The following ZAN variants were observed in gnomAD, a reference collection of about 807,000 sequenced individuals.
The protein encoded by ZAN is zonadhesin (gene/pseudogene).
Under a neutral mutation model 286.2 loss-of-function variants are expected in ZAN, and 260 were observed. The ratio of observed to expected loss-of-function variants is 0.91; its 90% CI spans 0.82 to 1.01. The LOEUF is 1.01. ZAN is among the 50% of genes least tolerant of loss of function. The probability of loss-of-function intolerance (pLI) is 0.00; values close to 1 mark genes in which losing one functional copy is unlikely to be tolerated. For synonymous variants in ZAN, 1,368 were observed against 1,417.5 expected, an observed-to-expected ratio of 0.97 and a Z score of 0.79; for missense variants, 3,410 against 3,639.2, an observed-to-expected ratio of 0.94 and a Z score of 1.62.
In ZAN at chr7:100,794,106, C is replaced by T. The variant is rs543375503; in HGVS notation, c.7987-14C>T. On this transcript the variant is annotated splice_polypyrimidine_tract_variant and intron_variant, in intron 43 of 47. Coordinates refer to ENST00000613979, the MANE Select transcript of ZAN (RefSeq NM_003386.3). ...GGAACTGGAACGTCTCCTCCTGGCC[C>T]TTCCCCTTTCTAGCTGGGCAGCAGC... The T allele has an allele frequency of 1.1e-5, 17 of 1,613,980 alleles. 1 individual carries two copies. In the South Asian group the frequency reaches 1.8e-4, roughly 17 times the overall value.
At position 100,748,232 on chromosome 7, in the gene ZAN, A is replaced by T. The variant is rs1273504941; in HGVS notation, c.1102+17A>T. On this transcript the variant is annotated intron_variant, in intron 10 of 47. Transcript: ENST00000613979. ...CTTGTGGGGGTGAGAGCAGGCCCTG[A>T]GAGGCCCGGATCTCTCAGAATCCGG... 6.2e-7 allele frequency: 1 copy of T among 1,613,754 alleles called. No homozygotes were observed. The highest frequency in any genetic ancestry group is 2.2e-5 in the East Asian group (1 of 44,874).
intron 12 of ZAN, 40 bp downstream of exon 12, chr7:100,750,936 G>A: frequency 6.6e-7 from 1 of 1,517,142 alleles, no homozygotes; most frequent in Non-Finnish European, 8.8e-7. Flanking sequence ...TGTGAGGTGA[G>A]AGGGCCAATG....
Position 100,789,304 on chromosome 7 carries a change from C to T in ZAN, c.7314C>T (p.Thr2438=), listed in dbSNP as rs756476991. The change falls in exon 39 of 48, where the codon ACC becomes ACT. Residue 2438 remains threonine, a synonymous_variant. Coordinates refer to ENST00000613979, the MANE Select transcript of ZAN (RefSeq NM_003386.3). The part of the protein sequence containing the change: ...TLWGQRLYLV[T]DFELVVSFGG... ...GGGGCCAACGGCTCTACCTGGTCAC[C>T]GACTTTGAGCTGGTCGTCAGCTTTG... 1.4e-5 allele frequency: 23 copies of T among 1,613,726 alleles called. No homozygotes were observed. In the Middle Eastern group the frequency reaches 4.9e-4, roughly 35 times the overall value.
chr7:100,753,187 A>C lies in ZAN; in HGVS notation c.3082A>C (p.Ser1028Arg). ...SPHAPSTPMT[S>R]VILGTTTTSR... The stretch of plus-strand genomic sequence containing the variant: ...ACATGCTCCAAGTACCCCTATGACC[A>C]GTGTGATTCTGGGCACTACCACAAC... The change falls in exon 14 of 48, where the codon AGT becomes CGT. Residue 1028 changes from serine (S) to arginine (R), a missense_variant. Transcript: ENST00000613979. The C allele has an allele frequency of 6.2e-7, 1 of 1,608,964 alleles. No individual in the cohort carries two copies. The highest frequency in any genetic ancestry group is 8.5e-7 in the Non-Finnish European group (1 of 1,177,460).
intron 34 of ZAN, 137 bp from the exon 35 acceptor site, chr7:100,779,309 C>T: frequency 1.2e-6 from 1 of 845,866 alleles, no homozygotes; most frequent in Non-Finnish European, 1.8e-6. Flanking sequence ...GGAGGGAAGG[C>T]AGAGGTTGCA....
At chr7:100,792,260 T>C (rs557246840) in intron 41 of ZAN, 112 bp downstream of exon 41, 1 of 1,497,862 alleles carries the variant, frequency 6.7e-7, no homozygotes, top group East Asian at 2.3e-5. Context: ...ACTCCTCCGT[T>C]CTCCCTGTGG....
chr7:100,748,611 G>A (rs117829701), intron 11 of ZAN, 141 bp downstream of exon 11: 538 of 1,183,972 alleles, frequency 4.5e-4, no homozygotes, highest in Admixed American at 1.2e-3. Context: ...AAGTTTCCAT[G>A]GTACTGGAAT....
In ZAN at chr7:100,758,544, C is replaced by G. The variant is rs776008435; in HGVS notation, c.3465C>G (p.Thr1155=). ...YGCHPYAGTA[T]CLVYGDPHYV... ...TCCCCCTCCCAGCAGGCACTGCCAC[C>G]TGCTTGGTCTACGGAGACCCTCATT... The change falls in exon 17 of 48, where the codon ACC becomes ACG. Residue 1155 remains threonine, a synonymous_variant. Coordinates refer to ENST00000613979, the MANE Select transcript of ZAN (RefSeq NM_003386.3). 2 of 1,560,476 alleles carry G rather than the reference C, an allele frequency of 1.3e-6. No homozygotes were observed. The highest frequency in any genetic ancestry group is 1.7e-6 in the Non-Finnish European group (2 of 1,152,184).
chr7:100,775,582 T>C lies in ZAN; in HGVS notation c.6027+7T>C. On this transcript the variant is annotated splice_region_variant and intron_variant, in intron 32 of 47. Coordinates refer to ENST00000613979, the MANE Select transcript of ZAN (RefSeq NM_003386.3). ...GAAGGGCCACCGTGTGCTAGTGAGC[T>C]GGGTGTGGTGACCGGGGCTGGGAGG... 3 of 1,612,588 alleles carry C rather than the reference T, an allele frequency of 1.9e-6. No homozygotes were observed. Among genetic ancestry groups the C allele is most frequent in the Non-Finnish European group, 1.7e-6 (2 of 1,178,724 alleles).
intron 14 of ZAN, 80 bp downstream of exon 14, chr7:100,753,309 T>A: frequency 3.5e-6 from 5 of 1,441,804 alleles, no homozygotes; most frequent in East Asian, 2.3e-5. Context: ...GGGATGCTTC[T>A]GGTAGAAGCC....
chr7:100,772,720 C>T (rs1019851472), intron 29 of ZAN, among the ~76,000 whole-genome samples: 2 of 151,406 alleles, frequency 1.3e-5, no homozygotes, highest in Admixed American at 1.3e-4. Flanking sequence ...ACTCGGGAGG[C>T]TGAAGCAGGA....
chr7:100,758,620 A>C lies in ZAN; in HGVS notation c.3541A>C (p.Ile1181Leu). The C allele has an allele frequency of 1.9e-6, 3 of 1,559,436 alleles. No homozygotes were observed. The South Asian group carries it at 3.6e-5, about 18-fold the overall frequency. Residue 1181 changes from isoleucine (I) to leucine (L), a missense_variant, in exon 17 of 48, where the codon ATC becomes CTC. By Grantham distance (5) the Ile-to-Leu change is conservative. Around this residue, in one of 7 missense-constraint regions of ZAN, gnomAD observed 1,042 missense variants for 1,058.0 expected, o/e 0.98. Transcript: ENST00000613979. The stretch of plus-strand genomic sequence containing the variant: ...TGGCTTCATGGGCAAGTGCACTTAC[A>C]TCTTGGCCCAGCCCTGTGGCAACTC... The part of the protein sequence containing the change: ...HFGFMGKCTY[I>L]LAQPCGNSTD...
At chr7:100,746,387 C>G in intron 7 of ZAN, 151 bp from the exon 8 acceptor site, 1 of 981,412 alleles carries the variant, frequency 1.0e-6, no homozygotes, top group Non-Finnish European at 1.4e-6. Context: ...AGACCTCAGT[C>G]AGTTGGGATA....
chr7:100,736,542 G>A lies in ZAN; in HGVS notation c.166G>A (p.Val56Met). ...CAAACCCCTCTGTGACTGGTCCCAA[G>A]TGTCCGCAGACGATGAAGACTGGGT... ...DAKPLCDWSQ[V>M]SADDEDWVRA... Residue 56 changes from valine to methionine, a missense_variant, in exon 4 of 48, where the codon GTG (valine) becomes ATG (methionine). Physicochemically the swap from Val to Met is conservative, Grantham distance 21. Around this residue, in one of 7 missense-constraint regions of ZAN, gnomAD observed 872 missense variants for 938.9 expected, o/e 0.93. Transcript: ENST00000613979. 6.6e-7 allele frequency: 1 copy of A among 1,523,846 alleles called. No homozygotes were observed. The allele number at this position is 1,523,846 out of a possible 1,614,324, so 94.4% of individuals were successfully genotyped here.
At chr7:100,789,471 G>A in intron 39 of ZAN, 124 bp downstream of exon 39, 2 of 1,466,558 alleles carry the variant, frequency 1.4e-6, no homozygotes, top group Non-Finnish European at 1.8e-6. Context: ...CCCAGCTTCA[G>A]AGGAGGACCA....
At chr7:100,748,623 G>A (rs1421742168) in intron 11 of ZAN, among the ~76,000 whole-genome samples, 153 bp downstream of exon 11, 4 of 152,186 alleles carry the variant, frequency 2.6e-5, no homozygotes, top group Admixed American at 2.0e-4. Flanking sequence ...TACTGGAATT[G>A]TGGAGATAGC....
At chr7:100,780,403 A>T (rs927006181) in intron 35 of ZAN, among the ~76,000 whole-genome samples, 1 of 151,230 alleles carries the variant, frequency 6.6e-6, no homozygotes, top group South Asian at 2.1e-4. Context: ...GTTGGGTGTG[A>T]TGGCTCATGC....
Position 100,734,717 on chromosome 7 carries a change from G to A in ZAN, c.53+496G>A, listed in dbSNP as rs1047356699. ...GACTGCTGAACAGGAATTAAGGGGCGGGTTCTGGGAGCGGGACAGGGCTAC... is the reference window on the plus strand; with the variant it reads ...GACTGCTGAACAGGAATTAAGGGGCAGGTTCTGGGAGCGGGACAGGGCTAC... On this transcript the variant is annotated intron_variant, in intron 2 of 47. Transcript: ENST00000613979. Among the ~76,000 whole-genome samples the A allele has an allele frequency of 3.6e-5, 5 of 140,774 alleles. 1 individual carries two copies. The highest frequency in any genetic ancestry group is 1.0e-4 in the African/African-American group (4 of 38,522). The allele number at this position is 140,774 out of a possible 152,430, so 92.4% of individuals were successfully genotyped here.
intron 19 of ZAN, among the ~76,000 whole-genome samples, chr7:100,761,515 T>A (rs1425564906): frequency 6.6e-6 from 1 of 152,098 alleles, no homozygotes; most frequent in Non-Finnish European, 1.5e-5. Context: ...TTGCCTGTAG[T>A]CTCAGCTACT....
Sources: allele counts gnomAD v4.1 joint callset (sites outside exome capture counted in the v4.1 genomes callset), GRCh38; gene constraint gnomAD v4.1.1; regional missense constraint gnomAD v4.1.1; transcripts MANE v1.5; gene names NCBI Gene and HGNC (gene_info 2026-07-23, HGNC 2026-07-21).